The following GAB2 variants were observed in gnomAD, a reference collection of about 807,000 sequenced individuals.
The protein encoded by GAB2 is GRB2 associated binding protein 2.
GAB2 carries 26 observed loss-of-function variants against 65.5 expected under a neutral mutation model. The observed-to-expected ratio is 0.40, with a 90% CI of 0.29 to 0.55. The LOEUF (loss-of-function observed/expected upper bound fraction) is 0.55. Ranked by LOEUF, GAB2 falls within the 20% of genes least tolerant of loss-of-function variation. The pLI, the probability that GAB2 is intolerant of heterozygous loss-of-function variation, is 0.53. For synonymous variants in GAB2, 321 were observed against 329.6 expected, an observed-to-expected ratio of 0.97 and a Z score of 0.28; for missense variants, 884 against 875.8, an observed-to-expected ratio of 1.01 and a Z score of -0.12.
intron 2 of GAB2, among the ~76,000 whole-genome samples, chr11:78,268,381 A>G (rs182439424): frequency 6.6e-6 from 1 of 152,292 alleles, no homozygotes; most frequent in East Asian, 1.9e-4. Context: ...AGCGCTACAC[A>G]TAACCGGATG....
At chr11:78,397,752 A>G (rs1190991393) in intron 1 of GAB2, among the ~76,000 whole-genome samples, 1 of 152,162 alleles carries the variant, frequency 6.6e-6, no homozygotes, top group African/African-American at 2.4e-5. Flanking sequence ...CTTCCCCACC[A>G]AGACTATAAA....
intron 1 of GAB2, among the ~76,000 whole-genome samples, chr11:78,384,128 T>C (rs1469498203): frequency 6.6e-6 from 1 of 152,190 alleles, no homozygotes. Context: ...TACCAAAATG[T>C]ACCAAACCTG....
At chr11:78,229,276 G>A (rs1159477583) in intron 3 of GAB2, among the ~76,000 whole-genome samples, 1 of 151,432 alleles carries the variant, frequency 6.6e-6, no homozygotes, top group Non-Finnish European at 1.5e-5. Context: ...AAGGCTCAAA[G>A]ATGTAGAACA....
At chr11:78,316,191 C>T (rs1367486990) in intron 1 of GAB2, among the ~76,000 whole-genome samples, 1 of 152,048 alleles carries the variant, frequency 6.6e-6, no homozygotes. Context: ...CTGTTGTTTT[C>T]CCTGGTTTTG....
chr11:78,326,895 T>C (rs1397986596), intron 1 of GAB2, among the ~76,000 whole-genome samples: 3 of 152,198 alleles, frequency 2.0e-5, no homozygotes, highest in African/African-American at 7.2e-5. Flanking sequence ...GAGGATTTAC[T>C]GGAGGTAAGA....
intron 1 of GAB2, among the ~76,000 whole-genome samples, chr11:78,304,899 T>C (rs1278523973): frequency 6.6e-6 from 1 of 152,166 alleles, no homozygotes; most frequent in Non-Finnish European, 1.5e-5. Flanking sequence ...ACATCTGACA[T>C]TCCAGGAAAA....
chr11:78,404,848 G>A (rs1007505390), intron 1 of GAB2, among the ~76,000 whole-genome samples: 1 of 152,184 alleles, frequency 6.6e-6, no homozygotes, highest in African/African-American at 2.4e-5. Context: ...TAGCAAGATA[G>A]AGCAAGTATA....
At chr11:78,341,786 A>G (rs569141727) in intron 1 of GAB2, 24 of 986,140 alleles carry the variant, frequency 2.4e-5, no homozygotes, top group Non-Finnish European at 2.9e-5. Flanking sequence ...CAAAGGTCTA[A>G]TTCCCTCACT....
intron 1 of GAB2, among the ~76,000 whole-genome samples, chr11:78,368,927 A>G (rs1856533032): frequency 6.6e-6 from 1 of 151,928 alleles, no homozygotes; most frequent in Non-Finnish European, 1.5e-5. Flanking sequence ...CAAATTTTTT[A>G]AAAATTAAAA....
At chr11:78,266,211 T>C (rs1464012062) in intron 2 of GAB2, among the ~76,000 whole-genome samples, 1 of 9,618 alleles carries the variant, frequency 1.0e-4, no homozygotes, top group Non-Finnish European at 4.3e-4. Context: ...CGAGACTCCA[T>C]CTCAAAAAAA....
At chr11:78,281,627 T>TC (rs1011683987) in intron 1 of GAB2, among the ~76,000 whole-genome samples, 1 of 152,166 alleles carries the variant, frequency 6.6e-6, no homozygotes, top group African/African-American at 2.4e-5. Flanking sequence ...ACATGACCTG[T>TC]CCCCTTTTCA....
intron 1 of GAB2, among the ~76,000 whole-genome samples, chr11:78,400,566 C>T (rs1565185563): frequency 6.6e-6 from 1 of 152,158 alleles, no homozygotes; most frequent in Non-Finnish European, 1.5e-5. Flanking sequence ...GTTACTATAT[C>T]TCATTGTCCC....
At chr11:78,245,800 T>G (rs564114514) in intron 3 of GAB2, among the ~76,000 whole-genome samples, 9 of 152,356 alleles carry the variant, frequency 5.9e-5, no homozygotes, top group African/African-American at 1.9e-4. Flanking sequence ...CTGAGGAAAT[T>G]TCTTATCAGT....
intron 1 of GAB2, among the ~76,000 whole-genome samples, chr11:78,313,527 C>G (rs1855541856): frequency 6.6e-6 from 1 of 152,176 alleles, no homozygotes; most frequent in Admixed American, 6.5e-5. Context: ...TCAGGATCAC[C>G]AGGGATCATG....
chr11:78,413,184 G>GA (rs1368775665), intron 1 of GAB2, among the ~76,000 whole-genome samples: 4 of 152,324 alleles, frequency 2.6e-5, no homozygotes, highest in African/African-American at 7.2e-5. Context: ...CTGAAGTTCA[G>GA]AACACAACTC....
chr11:78,256,532 C>G (rs1479289026), intron 2 of GAB2, among the ~76,000 whole-genome samples: 1 of 152,188 alleles, frequency 6.6e-6, no homozygotes, highest in Non-Finnish European at 1.5e-5. Flanking sequence ...AAATTTTACT[C>G]CCAGTGAGTG....
At chr11:78,408,722 C>T (rs970975364) in intron 1 of GAB2, among the ~76,000 whole-genome samples, 2 of 152,066 alleles carry the variant, frequency 1.3e-5, no homozygotes, top group African/African-American at 2.4e-5. Flanking sequence ...TGGAGTTCCC[C>T]TTTGGTGCTG....
At chr11:78,269,541 C>T (rs1010000066) in intron 2 of GAB2, among the ~76,000 whole-genome samples, 3 of 152,192 alleles carry the variant, frequency 2.0e-5, no homozygotes, top group African/African-American at 7.2e-5. Context: ...ACTTTTAAGG[C>T]ACCAGTCATT....
intron 1 of GAB2, among the ~76,000 whole-genome samples, chr11:78,303,511 TTAAA>T (rs754855273): frequency 1.4e-4 from 22 of 152,188 alleles, no homozygotes; most frequent in Non-Finnish European, 2.9e-4. Flanking sequence ...CTTCCTATGT[TTAAA>T]TAATATCATT....
Sources: allele counts gnomAD v4.1 joint callset (sites outside exome capture counted in the v4.1 genomes callset), GRCh38; gene constraint gnomAD v4.1.1; transcripts MANE v1.5; gene names NCBI Gene and HGNC (gene_info 2026-07-23, HGNC 2026-07-21).